LTF: variants seen among roughly 807,000 people sequenced by gnomAD.
LTF encodes lactotransferrin.
LTF carries 91 observed loss-of-function variants against 87.2 expected under a neutral mutation model. The observed-to-expected ratio is 1.04, with a 90% CI of 0.88 to 1.24. LTF has a LOEUF of 1.24. Ranked by LOEUF, LTF falls within the 50% of genes most tolerant of loss-of-function variation. The probability of loss-of-function intolerance (pLI) is 0.00; values close to 1 mark genes in which losing one functional copy is unlikely to be tolerated. For synonymous variants in LTF, 378 were observed against 356.1 expected, an observed-to-expected ratio of 1.06 and a Z score of -0.69; for missense variants, 901 against 904.3, an observed-to-expected ratio of 1.00 and a Z score of 0.05.
rs1702781231 is a variant in LTF, at chr3:46,450,642, C to T, written c.735G>A (p.Glu245=). The part of the protein sequence containing the change: ...EDLSDEAERD[E]YELLCPDNTR... ...TGTTGTCTGGGCAGAGTAACTCATA[C>T]TCGTCCCTTTCAGCCTCGTCTGACA... Residue 245 remains glutamate, a synonymous_variant, in exon 7 of 17, where the codon GAG becomes GAA. Transcript: ENST00000231751. The T allele has an allele frequency of 1.9e-6, 3 of 1,613,426 alleles. No individual in the cohort carries two copies. The highest frequency in any genetic ancestry group is 1.7e-5 in the Admixed American group (1 of 60,012).
chr3:46,448,135 A>T (rs1208043152), intron 9 of LTF, among the ~76,000 whole-genome samples: 2 of 152,170 alleles, frequency 1.3e-5, no homozygotes, highest in Admixed American at 6.5e-5. Context: ...AGGCCGAAGC[A>T]GGAAGATTGC....
intron 16 of LTF, among the ~76,000 whole-genome samples, chr3:46,437,557 A>G (rs1415323929): frequency 2.0e-5 from 3 of 152,062 alleles, no homozygotes; most frequent in African/African-American, 7.2e-5. Context: ...TCCCGGGCTC[A>G]AGCCATCCTC....
intron 8 of LTF, 33 bp from the exon 9 acceptor site, chr3:46,449,050 A>T: frequency 6.3e-7 from 1 of 1,579,476 alleles, no homozygotes; most frequent in East Asian, 2.3e-5. Context: ...TGGCTGGGCA[A>T]CCTGAGCTTT....
chr3:46,460,492 G>A (rs1028876561), intron 1 of LTF: 1 of 447,194 alleles, frequency 2.2e-6, no homozygotes, highest in Non-Finnish European at 4.5e-6. Context: ...TCAAATACTG[G>A]TTCTTCTTTT....
intron 1 of LTF, among the ~76,000 whole-genome samples, chr3:46,482,720 A>AAG (rs1703463900): frequency 6.2e-5 from 6 of 96,580 alleles, no homozygotes; most frequent in African/African-American, 2.3e-4. Context: ...AAGAAAGAGA[A>AAG]AGAAAGGAAG....
intron 1 of LTF, among the ~76,000 whole-genome samples, chr3:46,477,747 C>T (rs1658337872): frequency 6.6e-6 from 1 of 152,180 alleles, no homozygotes; most frequent in South Asian, 2.1e-4. Flanking sequence ...ATTTTCAGTA[C>T]AAGGCCAAAC....
chr3:46,454,475 GCTCTGA>G, intron 5 of LTF, 115 bp from the exon 6 acceptor site: 1 of 939,276 alleles, frequency 1.1e-6, no homozygotes, highest in Non-Finnish European at 1.7e-6. Flanking sequence ...GCAGGGCAGG[GCTCTGA>G]AGCTTTGGGG....
chr3:46,442,228 G>A (rs374066818), intron 13 of LTF, among the ~76,000 whole-genome samples: 9 of 152,178 alleles, frequency 5.9e-5, no homozygotes, highest in African/African-American at 9.6e-5. Flanking sequence ...TGGTTGTGTG[G>A]TGGAAAAGGT....
chr3:46,470,272 A>G (rs1430303574), intron 2 of LTF: 1 of 152,324 alleles, frequency 6.6e-6, no homozygotes, highest in Non-Finnish European at 1.5e-5. Context: ...GCCTGGAGGG[A>G]GCATGTGTGT....
At chr3:46,441,521 G>A in intron 13 of LTF, 38 bp from the exon 14 acceptor site, 2 of 1,446,004 alleles carry the variant, frequency 1.4e-6, no homozygotes, top group Non-Finnish European at 1.9e-6. Flanking sequence ...AATTACAGAA[G>A]AGAAACTAGT....
At chr3:46,453,565 G>A (rs1373133165) in intron 6 of LTF, among the ~76,000 whole-genome samples, 3 of 151,998 alleles carry the variant, frequency 2.0e-5, no homozygotes, top group Non-Finnish European at 4.4e-5. Flanking sequence ...GGTCCTGAGT[G>A]AATGTGGGTG....
Position 46,464,715 on chromosome 3 carries a change from G to A in LTF, c.43+110C>T. 3.3e-6 allele frequency: 4 copies of A among 1,205,472 alleles called. No individual in the cohort carries two copies. In the South Asian group the frequency reaches 3.9e-5, roughly 12 times the overall value. 74.7% of individuals were successfully genotyped at this position (1,205,472 alleles called of 1,614,324 possible). ...CGGCTGTAGGCGCTGGGACCGCGGG[G>A]CGCAGAGACCCCGCGCCCAGCCAAC... On this transcript the variant is annotated intron_variant, in intron 1 of 16. Transcript: ENST00000231751.
chr3:46,470,097 T>C (rs1381297196), intron 2 of LTF, among the ~76,000 whole-genome samples: 5 of 152,218 alleles, frequency 3.3e-5, no homozygotes, highest in African/African-American at 4.8e-5. Context: ...GGCAGTGGAA[T>C]GAGCTCATGC....
chr3:46,466,451 G>A (rs1366043972), upstream of LTF, among the ~76,000 whole-genome samples: 1 of 152,212 alleles, frequency 6.6e-6, no homozygotes, highest in Non-Finnish European at 1.5e-5. Flanking sequence ...GCCCCAGGGA[G>A]CCAGCTCTGC....
chr3:46,447,348 T>A lies in LTF; in HGVS notation c.1263A>T (p.Ala421=). Reference sequence around the variant, plus strand: ...GGACAGGCACCAAACCACATTTGCCTGCAGTGTACACATATCCTCCATCCA... The same window carrying A: ...GGACAGGCACCAAACCACATTTGCCAGCAGTGTACACATATCCTCCATCCA... The part of the protein sequence containing the change: ...MSLDGGYVYT[A]GKCGLVPVLA... Residue 421 remains alanine, a synonymous_variant, in exon 10 of 17, where the codon GCA becomes GCT. Transcript: ENST00000231751. 1 of 1,614,172 alleles carries A rather than the reference T, an allele frequency of 6.2e-7. No homozygotes were observed. Among genetic ancestry groups the A allele is most frequent in the Non-Finnish European group, 8.5e-7 (1 of 1,180,006 alleles).
At chr3:46,481,205 A>G (rs778973070) in intron 1 of LTF, among the ~76,000 whole-genome samples, 1 of 152,230 alleles carries the variant, frequency 6.6e-6, no homozygotes, top group Non-Finnish European at 1.5e-5. Flanking sequence ...CCCCTGAGCA[A>G]GTGGTCCTGT....
intron 6 of LTF, among the ~76,000 whole-genome samples, chr3:46,453,370 T>C (rs1460761055): frequency 1.3e-5 from 2 of 152,228 alleles, no homozygotes; most frequent in Non-Finnish European, 2.9e-5. Flanking sequence ...AGAGTGTCAT[T>C]CCAGACAGCA....
At chr3:46,478,757 G>GATATTTGGAA in intron 1 of LTF, among the ~76,000 whole-genome samples, 1 of 152,338 alleles carries the variant, frequency 6.6e-6, no homozygotes, top group South Asian at 2.1e-4. Context: ...CAATTTCCAG[G>GATATTTGGAA]ATATTTGGAA....
rs756998805 is a variant in LTF at position 46,454,408 on chromosome 3, G to A, written c.648-48C>T. On this transcript the variant is annotated intron_variant, in intron 5 of 16. Coordinates refer to ENST00000231751, the MANE Select transcript of LTF (RefSeq NM_002343.6). ...GGGTAAGCACAGGCAGCCCTCCCCA[G>A]CCCCTCCCTGTGGAACAGTAGCCCT... The A allele has an allele frequency of 7.3e-5, 109 of 1,486,554 alleles. 1 individual carries two copies. Among genetic ancestry groups the A allele is most frequent in the Admixed American group, 6.7e-4 (40 of 59,860 alleles). The allele number at this position is 1,486,554 out of a possible 1,614,324, so 92.1% of individuals were successfully genotyped here. A position where few individuals can be genotyped will look rare whatever the true frequency, so the allele number is the denominator to read the frequency against.
Sources: gnomAD v4.1 joint callset for allele counts (sites outside exome capture counted in the v4.1 genomes callset) on GRCh38, gnomAD v4.1.1 for gene constraint, MANE v1.5 for transcripts, NCBI Gene and HGNC (gene_info 2026-07-23, HGNC 2026-07-21) for gene names.